ARHGAP35: variants seen among roughly 807,000 people sequenced by gnomAD.
ARHGAP35 encodes the protein Rho GTPase activating protein 35, also known as rho GTPase-activating protein 35.
In ARHGAP35, 15 loss-of-function variants were observed where a neutral mutation model predicts 111.1. That is an observed-to-expected ratio of 0.13 (90% CI 0.09 to 0.21). ARHGAP35 has a LOEUF of 0.21. ARHGAP35 is among the 10% of genes least tolerant of loss of function. ARHGAP35 has a pLI of 1.00. For missense variants in ARHGAP35, 1,262 were observed against 1,873.0 expected (o/e 0.67, Z 6.02); for synonymous variants, 643 against 710.3 (o/e 0.91, Z 1.51).
chr19:46,897,060 ATTTTTTT>A (rs61692635), intron 1 of ARHGAP35, among the ~76,000 whole-genome samples: 170 of 133,636 alleles, frequency 1.3e-3, no homozygotes, highest in Non-Finnish European at 3.4e-4. Context: ...CACCTGGCTA[ATTTTTTT>A]TTTTTTTTTT....
chr19:46,996,546 C>G (rs754971911), intron 5 of ARHGAP35, among the ~76,000 whole-genome samples: 1 of 152,104 alleles, frequency 6.6e-6, no homozygotes, highest in Non-Finnish European at 1.5e-5. Flanking sequence ...TTGCCAGCCC[C>G]GTTTCCTGCC....
intron 3 of ARHGAP35, among the ~76,000 whole-genome samples, chr19:46,980,116 G>T (rs987493257): frequency 6.6e-6 from 1 of 152,184 alleles, no homozygotes; most frequent in Non-Finnish European, 1.5e-5. Context: ...CGGGCGCGGT[G>T]TCTCATGCCT....
Position 47,000,998 on chromosome 19 carries a change from G to T in ARHGAP35, c.*310G>T. ...CACGTAGCTGCTCACACCAGCCTCC[G>T]GGTGCCTCCCTCTGCTTGTACAGAG... On this transcript the variant is annotated 3_prime_UTR_variant, in exon 7 of 7. Coordinates refer to ENST00000672722, the MANE Select transcript of ARHGAP35 (RefSeq NM_004491.5). The surrounding 1 kb of genome is among the most constrained non-coding windows in gnomAD (Gnocchi z 6.9). The T allele has an allele frequency of 6.8e-7, 1 of 1,480,042 alleles. No individual in the cohort carries two copies. The highest frequency in any genetic ancestry group is 9.0e-7 in the Non-Finnish European group (1 of 1,110,490). The allele number at this position is 1,480,042 out of a possible 1,614,324, so 91.7% of individuals were successfully genotyped here.
In ARHGAP35 at chr19:46,919,785, A is replaced by C; in HGVS notation, c.1110A>C (p.Leu370Phe). 6.2e-7 allele frequency: 1 copy of C among 1,614,094 alleles called. No homozygotes were observed. The highest frequency in any genetic ancestry group is 1.3e-5 in the African/African-American group (1 of 75,078). Residue 370 changes from leucine to phenylalanine, a missense_variant, in exon 2 of 7, where the codon TTA becomes TTC. Leu to Phe is a conservative substitution (Grantham distance 22). This residue lies in a region of ARHGAP35 where 328 missense variants were observed against 440.8 expected (regional missense o/e 0.74). Coordinates refer to ENST00000672722, the MANE Select transcript of ARHGAP35 (RefSeq NM_004491.5). This position sits in a 1 kb window ranked among gnomAD's most constrained non-coding sequence, Gnocchi z 6.2. ...HLSCIKAKKL[L>F]ETKPEFLKWF... ...GCTGCATAAAAGCCAAAAAGCTCTT[A>C]GAAACCAAGCCAGAATTCTTGAAGT... is the stretch of plus-strand genomic sequence containing the variant.
intron 1 of ARHGAP35, among the ~76,000 whole-genome samples, chr19:46,916,562 G>A (rs2056164964): frequency 6.6e-6 from 1 of 152,048 alleles, no homozygotes; most frequent in African/African-American, 2.4e-5. Flanking sequence ...CATAGGCTGA[G>A]GACACAGAAT....
Position 46,988,165 on chromosome 19 carries a change from A to G in ARHGAP35, c.3904+99A>G, listed in dbSNP as rs2056661163. The G allele has an allele frequency of 2.6e-6, 3 of 1,174,056 alleles. No homozygotes were observed. The highest frequency in any genetic ancestry group is 4.0e-5 in the Admixed American group (2 of 50,278). 72.7% of individuals were successfully genotyped at this position (1,174,056 alleles called of 1,614,324 possible). A position where few individuals can be genotyped will look rare whatever the true frequency, so the allele number is the denominator to read the frequency against. On this transcript the variant is annotated intron_variant, in intron 4 of 6. Coordinates refer to ENST00000672722, the MANE Select transcript of ARHGAP35 (RefSeq NM_004491.5). This position sits in a 1 kb window ranked among gnomAD's most constrained non-coding sequence, Gnocchi z 5.4. Reference sequence around the variant, plus strand: ...TGTGGGGCTTCGGAGCACTCCTGCCAGCACAGACCCAAAGCCACGAGGTGC... The same window carrying G: ...TGTGGGGCTTCGGAGCACTCCTGCCGGCACAGACCCAAAGCCACGAGGTGC...
intron 2 of ARHGAP35, among the ~76,000 whole-genome samples, chr19:46,929,064 A>G (rs2056256200): frequency 6.6e-6 from 1 of 152,192 alleles, no homozygotes; most frequent in African/African-American, 2.4e-5. Context: ...TCATCCGTAA[A>G]TAAAGATGCT....
In ARHGAP35 at chr19:46,993,173, C is replaced by A. The variant is rs1358612568; in HGVS notation, c.4036+3498C>A. The stretch of plus-strand genomic sequence containing the variant: ...CAGGGGAAGGACAGCTTGGATTCTC[C>A]ATCCTGAGCCCTGCAGAGTGAGGTC... On this transcript the variant is annotated intron_variant, in intron 5 of 6. Coordinates refer to ENST00000672722, the MANE Select transcript of ARHGAP35 (RefSeq NM_004491.5). The surrounding 1 kb of genome is among the most constrained non-coding windows in gnomAD (Gnocchi z 4.6). Among the ~76,000 whole-genome samples the A allele has an allele frequency of 2.0e-5, 3 of 152,242 alleles. No individual in the cohort carries two copies. The highest frequency in any genetic ancestry group is 4.4e-5 in the Non-Finnish European group (3 of 68,040).
At position 47,003,854 on chromosome 19, in the gene ARHGAP35, G is replaced by C. The variant is rs2056761269; in HGVS notation, c.*3166G>C. 1 of 152,628 alleles carries C rather than the reference G, an allele frequency of 6.6e-6. No homozygotes were observed. The highest frequency in any genetic ancestry group is 2.1e-4 in the South Asian group (1 of 4,828). 9.5% of individuals were successfully genotyped at this position (152,628 alleles called of 1,614,324 possible). On this transcript the variant is annotated 3_prime_UTR_variant, in exon 7 of 7. Coordinates refer to ENST00000672722, the MANE Select transcript of ARHGAP35 (RefSeq NM_004491.5). ...GCTCCTGCTGCTCTTAGGGAAAGGA[G>C]GCCTGGGTCAAGCCAGCATCCCCTT...
intron 1 of ARHGAP35, among the ~76,000 whole-genome samples, chr19:46,911,781 A>G (rs2056138690): frequency 6.6e-6 from 1 of 152,190 alleles, no homozygotes. Context: ...TAAATGCCCT[A>G]ACACATCATT....
chr19:46,928,013 G>A (rs1387643184), intron 2 of ARHGAP35, among the ~76,000 whole-genome samples: 10 of 152,208 alleles, frequency 6.6e-5, no homozygotes, highest in South Asian at 2.1e-4. Context: ...AGAACAGCAC[G>A]GTGCTGTTTG....
Position 47,001,291 on chromosome 19 carries a change from GA to G in ARHGAP35, c.*604del. 8 of 1,290,458 alleles carry G rather than the reference GA, an allele frequency of 6.2e-6. No individual in the cohort carries two copies. Among genetic ancestry groups the G allele is most frequent in the Non-Finnish European group, 8.1e-6 (8 of 989,368 alleles). 79.9% of individuals were successfully genotyped at this position (1,290,458 alleles called of 1,614,324 possible). On this transcript the variant is annotated 3_prime_UTR_variant, in exon 7 of 7. Transcript: ENST00000672722. The surrounding 1 kb of genome is among the most constrained non-coding windows in gnomAD (Gnocchi z 5.4). Reference sequence around the variant, plus strand: ...GAGGATAGCTTTGTGCCTGGACCCAGAGAGTGTGGGACTCCCCGCTTCATCC... The same window carrying G: ...GAGGATAGCTTTGTGCCTGGACCCAGGAGTGTGGGACTCCCCGCTTCATCC...
intron 1 of ARHGAP35, among the ~76,000 whole-genome samples, chr19:46,892,812 T>C (rs545999250): frequency 6.6e-6 from 1 of 152,250 alleles, no homozygotes; most frequent in Non-Finnish European, 1.5e-5. Flanking sequence ...CACTGTACCT[T>C]GCAATCAGGC....
chr19:46,877,233 C>T (rs1432611231), intron 1 of ARHGAP35, among the ~76,000 whole-genome samples: 1 of 104,592 alleles, frequency 9.6e-6, no homozygotes, highest in Non-Finnish European at 1.8e-5. Context: ...GCCTGGGTAG[C>T]GAGTAAAACT....
chr19:46,969,919 C>T lies in ARHGAP35; in HGVS notation c.3827-18070C>T, dbSNP rs561874658. ...GCAGCAGCACCAGGAGAGCTGGACC[C>T]CTGCACACACCACCACTGCCACCAC... On this transcript the variant is annotated intron_variant, in intron 3 of 6. Transcript: ENST00000672722. Among the ~76,000 whole-genome samples the T allele has an allele frequency of 2.6e-5, 4 of 152,330 alleles. No homozygotes were observed. The South Asian group carries it at 8.3e-4, about 32-fold the overall frequency.
At position 46,935,068 on chromosome 19, in the gene ARHGAP35, G is replaced by A. The variant is rs141474439; in HGVS notation, c.3682-2196G>A. Among the ~76,000 whole-genome samples the A allele has an allele frequency of 9.1e-4, 138 of 152,284 alleles. 1 individual carries two copies. Among genetic ancestry groups the A allele is most frequent in the African/African-American group, 3.1e-3 (128 of 41,558 alleles). The stretch of plus-strand genomic sequence containing the variant: ...TTCCTGTAAATGTATATCATACATC[G>A]TTAATTGGCATTTCCTTACTTCTTT... On this transcript the variant is annotated intron_variant, in intron 2 of 6. Coordinates refer to ENST00000672722, the MANE Select transcript of ARHGAP35 (RefSeq NM_004491.5).
intron 3 of ARHGAP35, among the ~76,000 whole-genome samples, chr19:46,943,160 C>A (rs1231116627): frequency 6.6e-6 from 1 of 152,016 alleles, no homozygotes; most frequent in Non-Finnish European, 1.5e-5. Flanking sequence ...TCCTCCTTTT[C>A]TTCCTGAGTG....
intron 1 of ARHGAP35, among the ~76,000 whole-genome samples, chr19:46,884,828 A>T (rs1196075845): frequency 6.6e-6 from 1 of 152,068 alleles, no homozygotes; most frequent in Non-Finnish European, 1.5e-5. Flanking sequence ...TCTGGGCTCA[A>T]ATGATCCTCC....
In ARHGAP35 at chr19:46,925,964, C is replaced by T. The variant is rs181537813; in HGVS notation, c.3681+3608C>T. On this transcript the variant is annotated intron_variant, in intron 2 of 6. Coordinates refer to ENST00000672722, the MANE Select transcript of ARHGAP35 (RefSeq NM_004491.5). ...AGGTGGAAATATGCATATTGTATTC[C>T]GAGAAAGGAGAAAACTTGTCTGGTC... Among the ~76,000 whole-genome samples, 245 of 152,218 alleles carry T rather than the reference C, an allele frequency of 1.6e-3. 5 individuals carry two copies. The highest frequency in any genetic ancestry group is 6.0e-4 in the Non-Finnish European group (41 of 68,016).
Sources: gnomAD v4.1 joint callset for allele counts (sites outside exome capture counted in the v4.1 genomes callset) on GRCh38, gnomAD v4.1.1 for gene constraint, gnomAD v4.1.1 regional missense constraint, Gnocchi (gnomAD v3.1) non-coding constraint, MANE v1.5 for transcripts, NCBI Gene and HGNC (gene_info 2026-07-23, HGNC 2026-07-21) for gene names.